The following TET1 variants were observed in gnomAD, a reference collection of about 807,000 sequenced individuals.
TET1 encodes the protein methylcytosine dioxygenase TET1.
Under a neutral mutation model 148.7 loss-of-function variants are expected in TET1, and 13 were observed. That is an observed-to-expected ratio of 0.09 (90% confidence interval 0.06 to 0.14). The LOEUF (loss-of-function observed/expected upper bound fraction) is 0.14, where lower values mean the gene tolerates loss of function less well. Among genes scored for constraint, TET1 ranks in the 10% least tolerant of loss-of-function variants. The pLI, the probability that TET1 is intolerant of heterozygous loss-of-function variation, is 1.00. For missense variants in TET1, 2,182 were observed against 2,553.8 expected (o/e 0.85, Z 3.14); for synonymous variants, 907 against 937.2 (o/e 0.97, Z 0.59).
At chr10:68,687,741 C>T (rs1166711555) in intron 11 of TET1, among the ~76,000 whole-genome samples, 6 of 151,990 alleles carry the variant, frequency 3.9e-5, no homozygotes, top group Admixed American at 3.9e-4. Flanking sequence ...GTGTGTGTGC[C>T]ACTGTGTCTA....
intron 2 of TET1, among the ~76,000 whole-genome samples, chr10:68,576,680 T>A (rs1426521681): frequency 6.6e-6 from 1 of 152,086 alleles, no homozygotes; most frequent in Non-Finnish European, 1.5e-5. Context: ...AATAAATAAA[T>A]AAAAAGTACT....
intron 6 of TET1, among the ~76,000 whole-genome samples, chr10:68,657,349 C>T (rs1270585202): frequency 2.6e-5 from 4 of 152,016 alleles, no homozygotes; most frequent in Non-Finnish European, 4.4e-5. Context: ...GCTAATTTTT[C>T]GTATTTTTAG....
At chr10:68,671,645 GTT>G (rs2055273827) in intron 7 of TET1, among the ~76,000 whole-genome samples, 1 of 152,200 alleles carries the variant, frequency 6.6e-6, no homozygotes, top group Admixed American at 6.5e-5. Context: ...TTAGCATATA[GTT>G]TAGTTTAAGG....
chr10:68,572,011 G>T (rs941691562), intron 1 of TET1, among the ~76,000 whole-genome samples: 12 of 152,120 alleles, frequency 7.9e-5, no homozygotes, highest in Non-Finnish European at 1.5e-4. Flanking sequence ...TAGCTACTTG[G>T]GGGGCTGAAG....
intron 2 of TET1, among the ~76,000 whole-genome samples, chr10:68,590,386 C>T (rs946839226): frequency 4.6e-5 from 7 of 152,242 alleles, no homozygotes; most frequent in African/African-American, 1.7e-4. Flanking sequence ...CCTGCCTTGG[C>T]TTCCCAAATT....
intron 6 of TET1, among the ~76,000 whole-genome samples, chr10:68,663,888 G>A (rs1171346975): frequency 1.3e-5 from 2 of 151,980 alleles, no homozygotes; most frequent in Admixed American, 6.5e-5. Context: ...ATGGGGCTTT[G>A]AGCTGCTTCT....
intron 8 of TET1, among the ~76,000 whole-genome samples, chr10:68,677,319 C>T (rs1024547625): frequency 6.6e-6 from 1 of 152,072 alleles, no homozygotes; most frequent in African/African-American, 2.4e-5. Flanking sequence ...GATTTAACTC[C>T]TTCTGATTTC....
rs748573603 is a variant in TET1 at position 68,572,410 on chromosome 10, C to T, written c.72C>T (p.Asn24=). 1 of 1,612,954 alleles carries T rather than the reference C, an allele frequency of 6.2e-7. No homozygotes were observed. The highest frequency in any genetic ancestry group is 1.7e-5 in the Admixed American group (1 of 59,690). ...RKEDVNKKKK[N]SQLRKTTKGA... ...AAGATGTAAACAAAAAAAAGAAAAACAGCCAACTACGAAAGACAACCAAGG... is the reference window on the plus strand; with the variant it reads ...AAGATGTAAACAAAAAAAAGAAAAATAGCCAACTACGAAAGACAACCAAGG... The change falls in exon 2 of 12, where the codon AAC becomes AAT. Residue 24 remains asparagine (N), a synonymous_variant. Transcript: ENST00000373644.
At chr10:68,589,602 C>G (rs1226433463) in intron 2 of TET1, among the ~76,000 whole-genome samples, 1 of 151,610 alleles carries the variant, frequency 6.6e-6, no homozygotes, top group Non-Finnish European at 1.5e-5. Flanking sequence ...CCTAGCCCAG[C>G]CTTAGTGCTC....
At chr10:68,668,098 CT>C (rs2055218991) in intron 7 of TET1, among the ~76,000 whole-genome samples, 2 of 152,180 alleles carry the variant, frequency 1.3e-5, no homozygotes, top group South Asian at 4.1e-4. Flanking sequence ...TTTTAACCAC[CT>C]GTTAAATAAC....
At position 68,665,585 on chromosome 10, in the gene TET1, CA is replaced by C. The variant is rs1270852087; in HGVS notation, c.4462-1457del. ...AAACTTGGAATATCCAGAAAAGGCA[CA>C]AATATCATCAGTAAAAAGCTTTTTA... On this transcript the variant is annotated intron_variant, in intron 6 of 11. Transcript: ENST00000373644. Among the ~76,000 whole-genome samples the C allele has an allele frequency of 8.5e-5, 13 of 152,142 alleles. No individual in the cohort carries two copies. The South Asian group carries it at 2.7e-3, about 32-fold the overall frequency.
intron 1 of TET1, among the ~76,000 whole-genome samples, chr10:68,566,850 C>G (rs2053613398): frequency 6.8e-6 from 1 of 147,724 alleles, no homozygotes; most frequent in Admixed American, 6.9e-5. Context: ...TTTAGAGTTG[C>G]AAACAGGCTT....
intron 8 of TET1, among the ~76,000 whole-genome samples, chr10:68,677,204 T>G (rs943609401): frequency 1.3e-5 from 2 of 151,876 alleles, no homozygotes; most frequent in Admixed American, 1.3e-4. Flanking sequence ...CACCAGAGAG[T>G]CCTTCTCCAC....
intron 3 of TET1, among the ~76,000 whole-genome samples, chr10:68,643,457 A>G (rs1223856034): frequency 6.6e-6 from 1 of 152,154 alleles, no homozygotes; most frequent in African/African-American, 2.4e-5. Flanking sequence ...GTGAAAACTT[A>G]ACAAGCTATA....
chr10:68,561,852 C>T (rs2053558522), intron 1 of TET1, among the ~76,000 whole-genome samples: 1 of 151,950 alleles, frequency 6.6e-6, no homozygotes, highest in Non-Finnish European at 1.5e-5. Flanking sequence ...ATTTCTGATC[C>T]ACTAAAAACT....
intron 3 of TET1, among the ~76,000 whole-genome samples, chr10:68,629,414 T>C (rs2054535742): frequency 6.6e-6 from 1 of 152,124 alleles, no homozygotes. Context: ...AATTGAGATG[T>C]ATTAATTGTA....
intron 2 of TET1, among the ~76,000 whole-genome samples, chr10:68,595,961 T>TAC (rs781144879): frequency 9.7e-4 from 36 of 37,292 alleles, no homozygotes; most frequent in African/African-American, 2.7e-3. Flanking sequence ...TATATATATA[T>TAC]ACACACACAC....
chr10:68,686,648 A>G lies in TET1; in HGVS notation c.5345A>G (p.Lys1782Arg). The G allele has an allele frequency of 5.6e-6, 9 of 1,614,204 alleles. No homozygotes were observed. The highest frequency in any genetic ancestry group is 6.8e-6 in the Non-Finnish European group (8 of 1,180,052). The change falls in exon 11 of 12, where the codon AAG (lysine) becomes AGG (arginine). Residue 1782 changes from lysine to arginine, a missense_variant. Coordinates refer to ENST00000373644, the MANE Select transcript of TET1 (RefSeq NM_030625.3). Reference protein sequence around the residue: ...AVEKKPIPRIKRKNNSTTTNN... With the variant: ...AVEKKPIPRIRRKNNSTTTNN... Reference sequence around the variant, plus strand: ...GAAAAGAAACCTATTCCCCGAATCAAGCGGAAGAATAACTCAACAACAACA... The same window carrying G: ...GAAAAGAAACCTATTCCCCGAATCAGGCGGAAGAATAACTCAACAACAACA...
At chr10:68,597,314 G>A (rs190692077) in intron 2 of TET1, among the ~76,000 whole-genome samples, 294 of 152,186 alleles carry the variant, frequency 1.9e-3, no homozygotes, top group African/African-American at 6.6e-3. Context: ...GATTACAGGC[G>A]TGAGCTACCA....
Sources: gnomAD v4.1 joint callset for allele counts (sites outside exome capture counted in the v4.1 genomes callset) on GRCh38, gnomAD v4.1.1 for gene constraint, MANE v1.5 for transcripts, NCBI Gene and HGNC (gene_info 2026-07-23, HGNC 2026-07-21) for gene names.